Variants in EEFSEC observed in about 807,000 individuals in gnomAD.
The protein encoded by EEFSEC is selenocysteine-specific elongation factor.
A neutral mutation model predicts 42.1 loss-of-function variants in EEFSEC; 43 were observed. That is an observed-to-expected ratio of 1.02 (90% CI 0.80 to 1.32). The LOEUF is 1.32. Ranked by LOEUF, EEFSEC falls within the 40% of genes most tolerant of loss-of-function variation. EEFSEC has a pLI of 0.00. For synonymous variants in EEFSEC, 354 were observed against 339.1 expected, an observed-to-expected ratio of 1.04 and a Z score of -0.48; for missense variants, 745 against 803.6, an observed-to-expected ratio of 0.93 and a Z score of 0.88.
intron 6 of EEFSEC, among the ~76,000 whole-genome samples, chr3:128,383,719 CAG>C (rs2067803961): frequency 6.6e-6 from 1 of 152,222 alleles, no homozygotes; most frequent in South Asian, 2.1e-4. Context: ...GGCCCTGAGT[CAG>C]AGGTGCTGGG....
At position 128,358,214 on chromosome 3, in the gene EEFSEC, C is replaced by G; in HGVS notation, c.1444-3C>G. ...CTCTCTGTGGCTGGGTGTGTGGGGACAGGCGATGGATGACTACAGTGTGAT... is the reference window on the plus strand; with the variant it reads ...CTCTCTGTGGCTGGGTGTGTGGGGAGAGGCGATGGATGACTACAGTGTGAT... On this transcript the variant is annotated splice_polypyrimidine_tract_variant and splice_region_variant and intron_variant, in intron 5 of 6. Coordinates refer to ENST00000254730, the MANE Select transcript of EEFSEC (RefSeq NM_021937.5). 6.2e-7 allele frequency: 1 copy of G among 1,613,452 alleles called. No homozygotes were observed. Among genetic ancestry groups the G allele is most frequent in the Non-Finnish European group, 8.5e-7 (1 of 1,179,556 alleles).
intron 4 of EEFSEC, among the ~76,000 whole-genome samples, chr3:128,271,820 G>A (rs1335011098): frequency 6.6e-6 from 1 of 152,138 alleles, no homozygotes. Context: ...TGACAGAAAA[G>A]CCTTATTGCT....
chr3:128,315,669 T>C (rs1411792525), intron 4 of EEFSEC, among the ~76,000 whole-genome samples: 1 of 152,226 alleles, frequency 6.6e-6, no homozygotes, highest in Non-Finnish European at 1.5e-5. Flanking sequence ...TTGAAGTCCC[T>C]GCACACTGTC....
intron 1 of EEFSEC, among the ~76,000 whole-genome samples, chr3:128,230,512 C>A (rs1296800910): frequency 6.6e-6 from 1 of 152,134 alleles, no homozygotes; most frequent in Non-Finnish European, 1.5e-5. Context: ...TTAGGACAGG[C>A]CTTTGTGAAT....
At position 128,208,017 on chromosome 3, in the gene EEFSEC, G is replaced by T. The variant is rs184661668; in HGVS notation, c.317-38819G>T. Among the ~76,000 whole-genome samples the T allele has an allele frequency of 1.5e-3, 233 of 152,168 alleles. 1 individual carries two copies. The highest frequency in any genetic ancestry group is 5.2e-3 in the African/African-American group (216 of 41,520). ...ACCTGCCTGTTTCTTTTTTTCCTTTGGTAAATGCCAGATTTCTTGTCCCCA... is the reference window on the plus strand; with the variant it reads ...ACCTGCCTGTTTCTTTTTTTCCTTTTGTAAATGCCAGATTTCTTGTCCCCA... On this transcript the variant is annotated intron_variant, in intron 1 of 6. Transcript: ENST00000254730.
At chr3:128,255,500 C>A (rs1267516228) in intron 2 of EEFSEC, among the ~76,000 whole-genome samples, 2 of 152,172 alleles carry the variant, frequency 1.3e-5, no homozygotes, top group African/African-American at 2.4e-5. Context: ...GAATTGGCAC[C>A]CTGGTCTGGT....
At chr3:128,234,399 TAGAGAA>T (rs1181531526) in intron 1 of EEFSEC, among the ~76,000 whole-genome samples, 1 of 152,182 alleles carries the variant, frequency 6.6e-6, no homozygotes. Context: ...ATTTCAAACT[TAGAGAA>T]AGGCTCTAAG....
chr3:128,353,008 G>C (rs1469652158), intron 5 of EEFSEC, among the ~76,000 whole-genome samples: 1 of 152,176 alleles, frequency 6.6e-6, no homozygotes, highest in Non-Finnish European at 1.5e-5. Flanking sequence ...ATGGAGACCT[G>C]TACAGTAAAT....
intron 2 of EEFSEC, among the ~76,000 whole-genome samples, chr3:128,255,218 G>A (rs953160064): frequency 2.0e-5 from 3 of 152,052 alleles, no homozygotes; most frequent in Non-Finnish European, 4.4e-5. Flanking sequence ...GCCACTCTTT[G>A]GGGAGGCCTG....
intron 4 of EEFSEC, among the ~76,000 whole-genome samples, chr3:128,331,609 C>T (rs951637740): frequency 1.3e-5 from 2 of 151,940 alleles, no homozygotes; most frequent in African/African-American, 4.8e-5. Flanking sequence ...GAGCACCTGG[C>T]TCACATAGTG....
At chr3:128,295,244 C>T (rs2066690540) in intron 4 of EEFSEC, among the ~76,000 whole-genome samples, 1 of 152,196 alleles carries the variant, frequency 6.6e-6, no homozygotes. Flanking sequence ...TGTCCAACTA[C>T]AGGAGCTGGA....
At chr3:128,225,848 A>G (rs1259231724) in intron 1 of EEFSEC, among the ~76,000 whole-genome samples, 2 of 152,178 alleles carry the variant, frequency 1.3e-5, no homozygotes, top group African/African-American at 2.4e-5. Context: ...ACTGCCAAGC[A>G]CTTGCTCAGT....
At chr3:128,415,923 T>C in the EEFSEC span, among the ~76,000 whole-genome samples, 69 of 151,938 alleles carry the variant, frequency 4.5e-4, no homozygotes, top group African/African-American at 1.6e-3. Flanking sequence ...CAGGGAACCT[T>C]TGGGGGGAAG....
At position 128,408,387 on chromosome 3, in the gene EEFSEC, C is replaced by G. The variant is rs375339657; in HGVS notation, c.*128C>G. 9.8e-5 allele frequency: 105 copies of G among 1,068,554 alleles called. No homozygotes were observed. The South Asian group carries it at 1.0e-3, about 10-fold the overall frequency. The allele number at this position is 1,068,554 out of a possible 1,614,324, so 66.2% of individuals were successfully genotyped here. On this transcript the variant is annotated 3_prime_UTR_variant, in exon 7 of 7. Coordinates refer to ENST00000254730, the MANE Select transcript of EEFSEC (RefSeq NM_021937.5). Reference sequence around the variant, plus strand: ...AGTCCTGCAGCAGCAGCCCCCACCCCCAAGCTTGGTGCTGAGCCCTGGTGA... The same window carrying G: ...AGTCCTGCAGCAGCAGCCCCCACCCGCAAGCTTGGTGCTGAGCCCTGGTGA...
At chr3:128,185,263 G>A (rs981111964) in intron 1 of EEFSEC, among the ~76,000 whole-genome samples, 1 of 152,042 alleles carries the variant, frequency 6.6e-6, no homozygotes, top group Admixed American at 6.6e-5. Flanking sequence ...TGTATGTACA[G>A]AATTATCTTT....
At chr3:128,286,112 A>G (rs1332392150) in intron 4 of EEFSEC, among the ~76,000 whole-genome samples, 1 of 152,146 alleles carries the variant, frequency 6.6e-6, no homozygotes, top group African/African-American at 2.4e-5. Flanking sequence ...CAGCACTATG[A>G]TTTTCAGGTT....
chr3:128,325,069 C>T (rs934671645), intron 4 of EEFSEC, among the ~76,000 whole-genome samples: 6 of 152,212 alleles, frequency 3.9e-5, no homozygotes, highest in African/African-American at 1.2e-4. Flanking sequence ...AGGCCCCCAA[C>T]ATCCCTCGCT....
At chr3:128,354,836 G>A (rs1312350997) in intron 5 of EEFSEC, among the ~76,000 whole-genome samples, 1 of 152,228 alleles carries the variant, frequency 6.6e-6, no homozygotes, top group Admixed American at 6.5e-5. Flanking sequence ...TAGCATGCCT[G>A]CTATCCCAGG....
At chr3:128,202,217 CA>C (rs1027095280) in intron 1 of EEFSEC, among the ~76,000 whole-genome samples, 1 of 151,670 alleles carries the variant, frequency 6.6e-6, no homozygotes, top group African/African-American at 2.4e-5. Flanking sequence ...TCAATTTCTA[CA>C]AAAAAAATAA....
Sources: gnomAD v4.1 joint callset for allele counts (sites outside exome capture counted in the v4.1 genomes callset) on GRCh38, gnomAD v4.1.1 for gene constraint, MANE v1.5 for transcripts, NCBI Gene and HGNC (gene_info 2026-07-23, HGNC 2026-07-21) for gene names.